Variants in HNRNPM observed in about 807,000 individuals in gnomAD.
HNRNPM encodes CEA receptor.
In HNRNPM, 11 loss-of-function variants were observed where a neutral mutation model predicts 73.1. That is an observed-to-expected ratio of 0.15 (90% CI 0.09 to 0.25). HNRNPM has a LOEUF of 0.25. Among genes scored for constraint, HNRNPM ranks in the 10% least tolerant of loss-of-function variants. HNRNPM has a pLI of 1.00. For synonymous variants in HNRNPM, 407 were observed against 355.2 expected, an observed-to-expected ratio of 1.15 and a Z score of -1.64; for missense variants, 789 against 1,067.9, an observed-to-expected ratio of 0.74 and a Z score of 3.64.
At chr19:8,475,501 ACAT>A (rs1049939556) in intron 12 of HNRNPM, among the ~76,000 whole-genome samples, 11 of 152,198 alleles carry the variant, frequency 7.2e-5, no homozygotes, top group African/African-American at 2.7e-4. Context: ...ACAAGGACAG[ACAT>A]CATTGTCAGG....
At chr19:8,476,463 A>G (rs1187216341) in intron 12 of HNRNPM, among the ~76,000 whole-genome samples, 2 of 152,170 alleles carry the variant, frequency 1.3e-5, no homozygotes, top group Non-Finnish European at 2.9e-5. Context: ...AGCATGAGTC[A>G]AATCTTGATA....
intron 13 of HNRNPM, 105 bp downstream of exon 13, chr19:8,483,316 CG>C: frequency 2.4e-6 from 2 of 841,616 alleles, no homozygotes; most frequent in South Asian, 1.4e-5. Flanking sequence ...ACAGACTGCC[CG>C]GGGTGGGAGC....
At position 8,467,598 on chromosome 19, in the gene HNRNPM, A is replaced by C. The variant is rs749457376; in HGVS notation, c.834+14A>C. On this transcript the variant is annotated intron_variant, in intron 8 of 15. Coordinates refer to ENST00000325495, the MANE Select transcript of HNRNPM (RefSeq NM_005968.5). ...CACGTCAAGATGGTAAGTCAGTAGGATCTTTCTCTGTGATATACTCAAGTC... is the reference window on the plus strand; with the variant it reads ...CACGTCAAGATGGTAAGTCAGTAGGCTCTTTCTCTGTGATATACTCAAGTC... 1 of 1,593,720 alleles carries C rather than the reference A, an allele frequency of 6.3e-7. No individual in the cohort carries two copies. The highest frequency in any genetic ancestry group is 1.1e-5 in the South Asian group (1 of 90,660).
At chr19:8,468,006 A>C (rs915579620) in intron 8 of HNRNPM, among the ~76,000 whole-genome samples, 7 of 152,182 alleles carry the variant, frequency 4.6e-5, no homozygotes, top group African/African-American at 1.7e-4. Context: ...CAGCCTGGGC[A>C]ACAGAGTGAG....
chr19:8,465,470 T>C lies in HNRNPM; in HGVS notation c.585T>C (p.His195=), dbSNP rs761003512. Residue 195 remains histidine (H), a synonymous_variant, in exon 6 of 16, where the codon CAT becomes CAC. Coordinates refer to ENST00000325495, the MANE Select transcript of HNRNPM (RefSeq NM_005968.5). ...NNPNIPNEII[H]ALQAGRLGST... Reference sequence around the variant, plus strand: ...CCAACATCCCAAATGAGATTATCCATGCATTACAGGCTGGAAGACTTGGAA... The same window carrying C: ...CCAACATCCCAAATGAGATTATCCACGCATTACAGGCTGGAAGACTTGGAA... 1 of 1,613,364 alleles carries C rather than the reference T, an allele frequency of 6.2e-7. No homozygotes were observed. The highest frequency in any genetic ancestry group is 8.5e-7 in the Non-Finnish European group (1 of 1,179,496).
At chr19:8,471,819 T>C (rs1053876991) in intron 10 of HNRNPM, among the ~76,000 whole-genome samples, 2 of 152,150 alleles carry the variant, frequency 1.3e-5, no homozygotes, top group Admixed American at 1.3e-4. Flanking sequence ...AAGACCCCTT[T>C]GGGCCCTCCT....
At chr19:8,476,567 A>T (rs937765381) in intron 12 of HNRNPM, among the ~76,000 whole-genome samples, 2 of 26,562 alleles carry the variant, frequency 7.5e-5, no homozygotes, top group African/African-American at 1.0e-4. Context: ...GATTAATGTT[A>T]AAAAAAAAAA....
intron 6 of HNRNPM, among the ~76,000 whole-genome samples, chr19:8,465,969 T>C (rs1454733820): frequency 6.6e-6 from 1 of 152,208 alleles, no homozygotes; most frequent in Non-Finnish European, 1.5e-5. Flanking sequence ...TTTAAAAATG[T>C]TCAGAAAATG....
chr19:8,452,758 A>G (rs1339036996), intron 1 of HNRNPM, among the ~76,000 whole-genome samples: 2 of 152,218 alleles, frequency 1.3e-5, no homozygotes, highest in Non-Finnish European at 1.5e-5. Context: ...GGCTCACACC[A>G]GTGATACCTC....
At chr19:8,459,766 T>G (rs1162002298) in intron 2 of HNRNPM, among the ~76,000 whole-genome samples, 1 of 152,186 alleles carries the variant, frequency 6.6e-6, no homozygotes, top group Non-Finnish European at 1.5e-5. Context: ...CTGAGTTCTT[T>G]TTGGGTTGCT....
At chr19:8,471,938 C>T (rs374238810) in intron 10 of HNRNPM, among the ~76,000 whole-genome samples, 17 of 151,922 alleles carry the variant, frequency 1.1e-4, no homozygotes, top group East Asian at 1.9e-4. Context: ...TTTGGGAGGC[C>T]GAGGTGGGCG....
chr19:8,485,497 G>A, intron 13 of HNRNPM, 106 bp from the exon 14 acceptor site: 1 of 1,103,492 alleles, frequency 9.1e-7, no homozygotes, highest in Non-Finnish European at 1.3e-6. Flanking sequence ...AATTATGGTG[G>A]GCCTTTACCC....
intron 1 of HNRNPM, among the ~76,000 whole-genome samples, chr19:8,447,916 C>T (rs1412531309): frequency 6.6e-6 from 1 of 152,060 alleles, no homozygotes; most frequent in Non-Finnish European, 1.5e-5. Flanking sequence ...GTCTCAGCCA[C>T]TGGGGAGGCT....
intron 5 of HNRNPM, among the ~76,000 whole-genome samples, chr19:8,464,493 C>T (rs1181565508): frequency 6.6e-6 from 1 of 151,186 alleles, no homozygotes; most frequent in Non-Finnish European, 1.5e-5. Flanking sequence ...ATTAGCTGGG[C>T]GTAGTGGGGG....
chr19:8,453,043 T>A (rs897831289), intron 1 of HNRNPM, among the ~76,000 whole-genome samples: 5 of 152,122 alleles, frequency 3.3e-5, no homozygotes, highest in African/African-American at 1.2e-4. Context: ...CAGGGTCTTA[T>A]TTGTCGAACT....
In HNRNPM at chr19:8,486,015, G is replaced by C. The variant is rs201019816; in HGVS notation, c.1587G>C (p.Met529Ile). Residue 529 changes from methionine to isoleucine, a missense_variant, in exon 14 of 16, where the codon ATG (methionine) becomes ATC (isoleucine). Transcript: ENST00000325495. ...CCATCGAGCGCATGGGCCTGAGCAT[G>C]GAGCGCATGGTGCCCGCAGGTATGG... is the stretch of plus-strand genomic sequence containing the variant. ...GPAIERMGLS[M>I]ERMVPAGMGA... is the part of the protein sequence containing the mutation. 1 of 1,606,772 alleles carries C rather than the reference G, an allele frequency of 6.2e-7. No homozygotes were observed. Among genetic ancestry groups the C allele is most frequent in the Non-Finnish European group, 8.5e-7 (1 of 1,179,454 alleles).
chr19:8,468,742 A>G (rs764319705), intron 8 of HNRNPM, 32 bp from the exon 9 acceptor site: 5 of 1,574,516 alleles, frequency 3.2e-6, no homozygotes, highest in South Asian at 1.1e-5. Context: ...TGCACTGGAT[A>G]CTGAGATTTG....
chr19:8,455,995 T>A (rs1157835424), intron 2 of HNRNPM, among the ~76,000 whole-genome samples: 1 of 151,606 alleles, frequency 6.6e-6, no homozygotes, highest in Non-Finnish European at 1.5e-5. Flanking sequence ...ATAGCTTGTT[T>A]AAAATTTTGT....
intron 10 of HNRNPM, among the ~76,000 whole-genome samples, chr19:8,472,335 G>C (rs1023101252): frequency 1.2e-4 from 19 of 152,054 alleles, no homozygotes; most frequent in African/African-American, 4.6e-4. Flanking sequence ...GGAATCCTTT[G>C]AAATTGGAAT....
Sources: allele counts gnomAD v4.1 joint callset (sites outside exome capture counted in the v4.1 genomes callset), GRCh38; gene constraint gnomAD v4.1.1; transcripts MANE v1.5; gene names NCBI Gene and HGNC (gene_info 2026-07-23, HGNC 2026-07-21).